Variants in EBF2 observed in about 807,000 individuals in gnomAD.
EBF2 encodes the protein EBF transcription factor 2.
Under a neutral mutation model 72.8 loss-of-function variants are expected in EBF2, and 21 were observed. The ratio of observed to expected loss-of-function variants is 0.29; its 90% CI spans 0.20 to 0.42. The LOEUF (loss-of-function observed/expected upper bound fraction) is 0.42, where lower values mean the gene tolerates loss of function less well. Among genes scored for constraint, EBF2 ranks in the 10% least tolerant of loss-of-function variants. The pLI, the probability that EBF2 is intolerant of heterozygous loss-of-function variation, is 1.00. For missense variants in EBF2, 637 were observed against 731.2 expected (o/e 0.87, Z 1.49); for synonymous variants, 299 against 274.2 (o/e 1.09, Z -0.89).
chr8:25,904,686 A>C (rs946001802), intron 7 of EBF2, among the ~76,000 whole-genome samples: 1 of 152,180 alleles, frequency 6.6e-6, no homozygotes, highest in Non-Finnish European at 1.5e-5. Context: ...TGACTGTCCT[A>C]CCACCATGAG....
chr8:25,874,026 AG>A, intron 10 of EBF2, among the ~76,000 whole-genome samples: 1 of 152,314 alleles, frequency 6.6e-6, no homozygotes, highest in South Asian at 2.1e-4. Context: ...GCAGGCTACC[AG>A]GGGGGCTATT....
At chr8:25,998,179 C>T (rs747087189) in intron 6 of EBF2, among the ~76,000 whole-genome samples, 6 of 152,152 alleles carry the variant, frequency 3.9e-5, no homozygotes, top group Admixed American at 6.5e-5. Context: ...GGCACACTTA[C>T]TCTACAAAAT....
At chr8:25,982,744 G>A (rs989589285) in intron 6 of EBF2, among the ~76,000 whole-genome samples, 24 of 152,190 alleles carry the variant, frequency 1.6e-4, no homozygotes, top group Middle Eastern at 3.4e-3. Context: ...GGTGCTGGGG[G>A]AAAGTTCAGG....
intron 6 of EBF2, among the ~76,000 whole-genome samples, chr8:25,984,180 C>T (rs981319219): frequency 3.3e-5 from 5 of 152,110 alleles, no homozygotes; most frequent in Non-Finnish European, 7.4e-5. Flanking sequence ...AGCTGGGTCT[C>T]CCAAATTTGG....
At chr8:26,032,021 A>C (rs1433865847) in intron 6 of EBF2, 1 of 152,200 alleles carries the variant, frequency 6.6e-6, no homozygotes, top group African/African-American at 2.4e-5. Context: ...CATCCTCTTC[A>C]AGCATCTCAG....
At chr8:26,040,886 G>T (rs1192368770) in intron 3 of EBF2, 53 bp downstream of exon 3, 4 of 1,610,366 alleles carry the variant, frequency 2.5e-6, no homozygotes, top group Non-Finnish European at 3.4e-6. Flanking sequence ...AGCGCGTGCG[G>T]CCCGGAAGCC....
intron 6 of EBF2, among the ~76,000 whole-genome samples, chr8:25,922,503 G>A (rs1014950732): frequency 6.6e-6 from 1 of 152,100 alleles, no homozygotes; most frequent in African/African-American, 2.4e-5. Flanking sequence ...AGAATGTGGG[G>A]CTTTTAGATA....
chr8:25,846,009 A>T (rs183142932), intron 15 of EBF2, among the ~76,000 whole-genome samples: 24 of 152,184 alleles, frequency 1.6e-4, no homozygotes, highest in African/African-American at 5.5e-4. Flanking sequence ...CTCGGGTAAA[A>T]TTGTCAGCTG....
At chr8:25,907,746 A>G (rs769993195) in intron 7 of EBF2, among the ~76,000 whole-genome samples, 1 of 152,116 alleles carries the variant, frequency 6.6e-6, no homozygotes, top group Non-Finnish European at 1.5e-5. Context: ...TAATTTTTCT[A>G]TGGAAAAGGA....
intron 7 of EBF2, among the ~76,000 whole-genome samples, chr8:25,896,625 T>C (rs1802867359): frequency 1.3e-5 from 2 of 152,204 alleles, no homozygotes; most frequent in African/African-American, 4.8e-5. Context: ...GGGATTTTAT[T>C]TTCCACCTGT....
intron 8 of EBF2, among the ~76,000 whole-genome samples, chr8:25,889,296 G>A (rs1321976240): frequency 6.6e-6 from 1 of 152,112 alleles, no homozygotes; most frequent in African/African-American, 2.4e-5. Flanking sequence ...TAATGCACTT[G>A]GAAAACTACC....
chr8:25,959,671 A>G (rs753292085), intron 6 of EBF2, among the ~76,000 whole-genome samples: 2 of 152,118 alleles, frequency 1.3e-5, no homozygotes, highest in Non-Finnish European at 2.9e-5. Flanking sequence ...CACTGTAGCC[A>G]TTTTGCCGCA....
chr8:25,966,504 A>G (rs1020951647), intron 6 of EBF2, among the ~76,000 whole-genome samples: 4 of 152,234 alleles, frequency 2.6e-5, no homozygotes, highest in Non-Finnish European at 5.9e-5. Flanking sequence ...GGAACTGTAG[A>G]TGCAAGAAGG....
chr8:25,963,976 G>T lies in EBF2; in HGVS notation c.552-55421C>A, dbSNP rs929030002. Among the ~76,000 whole-genome samples the T allele has an allele frequency of 2.0e-5, 3 of 152,242 alleles. No homozygotes were observed. In the East Asian group the frequency reaches 5.8e-4, roughly 29 times the overall value. The stretch of plus-strand genomic sequence containing the variant: ...TATAATTGAATGGAGAATTTTATGG[G>T]ATATCAGGTTTCCTTGCTGCTGATG... On this transcript the variant is annotated intron_variant, in intron 6 of 15. Transcript: ENST00000520164.
rs1802718947 is a variant in EBF2 at position 25,887,935 on chromosome 8, G to A, written c.789C>T (p.Gly263=). The A allele has an allele frequency of 1.2e-6, 2 of 1,613,638 alleles. No homozygotes were observed. Among genetic ancestry groups the A allele is most frequent in the African/African-American group, 1.3e-5 (1 of 74,900 alleles). ...PCIKAISPSE[G]WTTGGAMVII... is the part of the protein sequence containing the mutation. ...TGACCATGGCTCCTCCTGTGGTCCAGCCTTCACTCGGGCTAATGGCTTTGA... is the reference window on the plus strand; with the variant it reads ...TGACCATGGCTCCTCCTGTGGTCCAACCTTCACTCGGGCTAATGGCTTTGA... Residue 263 remains glycine, a synonymous_variant, in exon 9 of 16, where the codon GGC becomes GGT. Coordinates refer to ENST00000520164, the MANE Select transcript of EBF2 (RefSeq NM_022659.4).
At chr8:25,855,110 T>C (rs1175467488) in intron 14 of EBF2, among the ~76,000 whole-genome samples, 1 of 152,222 alleles carries the variant, frequency 6.6e-6, no homozygotes, top group East Asian at 1.9e-4. Flanking sequence ...GAGGCCAAAG[T>C]AAAGAAAAGT....
rs372350135 is a variant in EBF2 at position 26,002,813 on chromosome 8, T to G, written c.551+30272A>C. 6.0e-5 allele frequency among the ~76,000 whole-genome samples: 9 copies of G among 150,372 alleles called. No individual in the cohort carries two copies. In the East Asian group the frequency reaches 1.6e-3, roughly 26 times the overall value. On this transcript the variant is annotated intron_variant, in intron 6 of 15. Transcript: ENST00000520164. ...CTGCTTGTGGTTGCAGATTTGATGT[T>G]AAAGCCAACGGGACAGGCAGGCAGG...
At chr8:25,894,629 A>G (rs564092083) in intron 7 of EBF2, among the ~76,000 whole-genome samples, 41 of 152,136 alleles carry the variant, frequency 2.7e-4, no homozygotes, top group Non-Finnish European at 5.3e-4. Flanking sequence ...TTAATGTTAG[A>G]GGGTCAGGCA....
At chr8:26,035,343 T>C (rs1368607289) in intron 5 of EBF2, among the ~76,000 whole-genome samples, 3 of 151,994 alleles carry the variant, frequency 2.0e-5, no homozygotes, top group Non-Finnish European at 4.4e-5. Context: ...AGAGATAGGG[T>C]CTTGCTGTGT....
Sources: allele counts gnomAD v4.1 joint callset (sites outside exome capture counted in the v4.1 genomes callset), GRCh38; gene constraint gnomAD v4.1.1; transcripts MANE v1.5; gene names NCBI Gene and HGNC (gene_info 2026-07-23, HGNC 2026-07-21).